The following ARL5B variants were observed in gnomAD, a reference collection of about 807,000 sequenced individuals.
ARL5B encodes the protein ADP-ribosylation factor-like protein 5B.
Under a neutral mutation model 26.9 loss-of-function variants are expected in ARL5B, and 10 were observed. The observed-to-expected ratio is 0.37, with a 90% CI of 0.23 to 0.63. The LOEUF (loss-of-function observed/expected upper bound fraction) is 0.63, where lower values mean the gene tolerates loss of function less well. Among genes scored for constraint, ARL5B ranks in the 30% least tolerant of loss-of-function variants. The pLI, the probability that ARL5B is intolerant of heterozygous loss-of-function variation, is 0.62. For missense variants in ARL5B, 167 were observed against 213.9 expected, an observed-to-expected ratio of 0.78 and a Z score of 1.37; for synonymous variants, 87 against 70.4, an observed-to-expected ratio of 1.24 and a Z score of -1.18.
chr10:18,671,151 G>A (rs7086911), intron 3 of ARL5B, among the ~76,000 whole-genome samples: 81,573 of 151,870 alleles, frequency 0.54, 22,568 homozygotes, highest in East Asian at 0.96. Flanking sequence ...TTTATATTCA[G>A]ATTAGTTGTC....
In ARL5B at chr10:18,675,590, A is replaced by C. The variant is rs997508124; in HGVS notation, c.*374A>C. 13 of 198,344 alleles carry C rather than the reference A, an allele frequency of 6.6e-5. No individual in the cohort carries two copies. The highest frequency in any genetic ancestry group is 1.4e-4 in the Non-Finnish European group (13 of 94,740). The allele number at this position is 198,344 out of a possible 1,614,324, so 12.3% of individuals were successfully genotyped here. On this transcript the variant is annotated 3_prime_UTR_variant, in exon 6 of 6. Coordinates refer to ENST00000377275, the MANE Select transcript of ARL5B (RefSeq NM_178815.5). ...TTGACCAGCACTCCCTCCCAACCAG[A>C]GAATTACTGGTTTGATAGAGTAGTC...
At chr10:18,673,126 G>A (rs909728255) in intron 4 of ARL5B, among the ~76,000 whole-genome samples, 33 of 151,818 alleles carry the variant, frequency 2.2e-4, no homozygotes, top group African/African-American at 7.3e-4. Flanking sequence ...ACCGTGGCGC[G>A]ATCTTGGCTC....
chr10:18,664,049 G>A (rs1379334110), intron 1 of ARL5B, among the ~76,000 whole-genome samples: 2 of 151,900 alleles, frequency 1.3e-5, no homozygotes, highest in Non-Finnish European at 2.9e-5. Flanking sequence ...TGCCTCCCAG[G>A]TTCAAGTGAT....
Position 18,672,754 on chromosome 10 carries a change from T to C in ARL5B, c.339+49T>C, listed in dbSNP as rs142545886. On this transcript the variant is annotated intron_variant, in intron 4 of 5. Transcript: ENST00000377275. ...AAAAAACAGTGTAGTAAAGTATCTGTACGTTGCCTTTGCTTTTTTGCAAAG... is the reference window on the plus strand; with the variant it reads ...AAAAAACAGTGTAGTAAAGTATCTGCACGTTGCCTTTGCTTTTTTGCAAAG... The C allele has an allele frequency of 9.8e-5, 134 of 1,360,814 alleles. 1 individual carries two copies. In the Middle Eastern group the frequency reaches 1.5e-3, roughly 15 times the overall value. 84.3% of individuals were successfully genotyped at this position (1,360,814 alleles called of 1,614,324 possible).
rs41282212 is a variant in ARL5B, at chr10:18,677,213, G to C, written c.*1997G>C. ...TTATGAAATGACTATCTGCCTTCTTGTATCTAGTAAGATTGGCTGGCTCAA... is the reference window on the plus strand; with the variant it reads ...TTATGAAATGACTATCTGCCTTCTTCTATCTAGTAAGATTGGCTGGCTCAA... On this transcript the variant is annotated 3_prime_UTR_variant, in exon 6 of 6. Transcript: ENST00000377275. The C allele has an allele frequency of 7.5e-3, 1,138 of 151,854 alleles. 4 individuals are homozygous for C. Among genetic ancestry groups the C allele is most frequent in the Non-Finnish European group, 0.013 (870 of 67,690 alleles). The allele number at this position is 151,854 out of a possible 1,614,324, so 9.4% of individuals were successfully genotyped here.
chr10:18,661,797 G>A (rs1345808234), intron 1 of ARL5B, among the ~76,000 whole-genome samples: 2 of 152,230 alleles, frequency 1.3e-5, no homozygotes, highest in Non-Finnish European at 2.9e-5. Flanking sequence ...GAAGGGACGT[G>A]TTATTCTAGG....
chr10:18,660,531 G>A lies in ARL5B; in HGVS notation c.46+848G>A, dbSNP rs907227572. Among the ~76,000 whole-genome samples the A allele has an allele frequency of 6.6e-5, 10 of 152,292 alleles. No individual in the cohort carries two copies. In the East Asian group the frequency reaches 1.7e-3, roughly 26 times the overall value. On this transcript the variant is annotated intron_variant, in intron 1 of 5. Coordinates refer to ENST00000377275, the MANE Select transcript of ARL5B (RefSeq NM_178815.5). Reference sequence around the variant, plus strand: ...GTTTCATTTTACATTTAAGAGCCGGGCATCGTTAATAAGCCAGTTTTATTT... The same window carrying A: ...GTTTCATTTTACATTTAAGAGCCGGACATCGTTAATAAGCCAGTTTTATTT...
At chr10:18,663,201 T>A (rs1033208924) in intron 1 of ARL5B, among the ~76,000 whole-genome samples, 1 of 151,832 alleles carries the variant, frequency 6.6e-6, no homozygotes, top group Non-Finnish European at 1.5e-5. Flanking sequence ...TAGAGATGGA[T>A]TTTACCATGT....
chr10:18,675,177 A>T lies in ARL5B; in HGVS notation c.501A>T (p.Gln167His). The T allele has an allele frequency of 6.2e-7, 1 of 1,613,208 alleles. No homozygotes were observed. Among genetic ancestry groups the T allele is most frequent in the Non-Finnish European group, 8.5e-7 (1 of 1,179,322 alleles). Reference protein sequence around the residue: ...CCALTGEGLCQGLEWMTSRIG... With the variant: ...CCALTGEGLCHGLEWMTSRIG... ...TCTATCTTTTGTTTAGGTTATGCCAAGGTCTAGAGTGGATGACCTCCCGGA... is the reference window on the plus strand; with the variant it reads ...TCTATCTTTTGTTTAGGTTATGCCATGGTCTAGAGTGGATGACCTCCCGGA... Residue 167 changes from glutamine to histidine, a missense_variant, in exon 6 of 6, where the codon CAA becomes CAT. Physicochemically the swap from Gln to His is conservative, Grantham distance 24. Transcript: ENST00000377275.
chr10:18,681,475 T>G lies in ARL5B; in HGVS notation c.*6259T>G, dbSNP rs1199011024. ...TGCAATTATGTTATAATGAGTTGTT[T>G]GCATGCCTACTTAACCCAAGTAAAA... On this transcript the variant is annotated 3_prime_UTR_variant, in exon 6 of 6. Transcript: ENST00000377275. The G allele has an allele frequency of 3.3e-5, 5 of 152,226 alleles. No homozygotes were observed. Among genetic ancestry groups the G allele is most frequent in the African/African-American group, 1.2e-4 (5 of 41,450 alleles). 9.4% of individuals were successfully genotyped at this position (152,226 alleles called of 1,614,324 possible).
intron 5 of ARL5B, 144 bp from the exon 6 acceptor site, chr10:18,675,024 T>G: frequency 1.6e-6 from 1 of 615,734 alleles, no homozygotes; most frequent in Non-Finnish European, 2.8e-6. Flanking sequence ...TTTCACTTAT[T>G]ATAGTGTGAC....
chr10:18,659,667 C>T lies in ARL5B; in HGVS notation c.30C>T (p.Ser10=), dbSNP rs1415247098. 1.2e-6 allele frequency: 2 copies of T among 1,613,350 alleles called. No individual in the cohort carries two copies. The highest frequency in any genetic ancestry group is 8.5e-7 in the Non-Finnish European group (1 of 1,179,718). Residue 10 remains serine, a synonymous_variant, in exon 1 of 6, where the codon AGC becomes AGT. Coordinates refer to ENST00000377275, the MANE Select transcript of ARL5B (RefSeq NM_178815.5). MGLIFAKLW[S]LFCNQEHKVI... ...GGCTGATCTTCGCCAAACTGTGGAG[C>T]CTCTTCTGTAACCAAGGTGAGAAGA...
At chr10:18,670,184 T>C (rs1469814865) in intron 3 of ARL5B, among the ~76,000 whole-genome samples, 5 of 152,210 alleles carry the variant, frequency 3.3e-5, no homozygotes. Context: ...TGGCGTATCA[T>C]AGATAATCAG....
In ARL5B at chr10:18,681,214, C is replaced by G. The variant is rs139894908; in HGVS notation, c.*5998C>G. Reference sequence around the variant, plus strand: ...CACAAACTGTGTGTCTGAACCCCAGCCAAACAAATGTGTTCCATTGGTCCA... The same window carrying G: ...CACAAACTGTGTGTCTGAACCCCAGGCAAACAAATGTGTTCCATTGGTCCA... On this transcript the variant is annotated 3_prime_UTR_variant, in exon 6 of 6. Transcript: ENST00000377275. 2.0e-5 allele frequency: 3 copies of G among 152,112 alleles called. No individual in the cohort carries two copies. The highest frequency in any genetic ancestry group is 2.0e-4 in the Admixed American group (3 of 15,278). The allele number at this position is 152,112 out of a possible 1,614,324, so 9.4% of individuals were successfully genotyped here. A position where few individuals can be genotyped will look rare whatever the true frequency, so the allele number is the denominator to read the frequency against.
At position 18,678,272 on chromosome 10, in the gene ARL5B, A is replaced by G. The variant is rs1020778509; in HGVS notation, c.*3056A>G. 2 of 151,946 alleles carry G rather than the reference A, an allele frequency of 1.3e-5. No individual in the cohort carries two copies. The highest frequency in any genetic ancestry group is 1.9e-4 in the East Asian group (1 of 5,174). 9.4% of individuals were successfully genotyped at this position (151,946 alleles called of 1,614,324 possible). ...TCAATACTTTTATTCTATATTCATT[A>G]GAAGAAAGGTAATAAATTTAAGTTT... On this transcript the variant is annotated 3_prime_UTR_variant, in exon 6 of 6. Coordinates refer to ENST00000377275, the MANE Select transcript of ARL5B (RefSeq NM_178815.5).
In ARL5B at chr10:18,677,981, A is replaced by T. The variant is rs2059917410; in HGVS notation, c.*2765A>T. The T allele has an allele frequency of 6.6e-6, 1 of 151,824 alleles. No individual in the cohort carries two copies. The allele number at this position is 151,824 out of a possible 1,614,324, so 9.4% of individuals were successfully genotyped here. A position where few individuals can be genotyped will look rare whatever the true frequency, so the allele number is the denominator to read the frequency against. ...TATGTTATAACCAAAGTGTTCAATTATCCTTGCAAGTTCAAATACAGCATT... is the reference window on the plus strand; with the variant it reads ...TATGTTATAACCAAAGTGTTCAATTTTCCTTGCAAGTTCAAATACAGCATT... On this transcript the variant is annotated 3_prime_UTR_variant, in exon 6 of 6. Coordinates refer to ENST00000377275, the MANE Select transcript of ARL5B (RefSeq NM_178815.5).
At chr10:18,666,482 T>C (rs772429842) in intron 1 of ARL5B, 93 bp from the exon 2 acceptor site, 6 of 1,040,434 alleles carry the variant, frequency 5.8e-6, no homozygotes, top group Non-Finnish European at 6.9e-6. Flanking sequence ...TGAATGATTC[T>C]CATTAATGAG....
At chr10:18,666,296 C>G (rs1224886279) in intron 1 of ARL5B, among the ~76,000 whole-genome samples, 1 of 152,216 alleles carries the variant, frequency 6.6e-6, no homozygotes, top group Non-Finnish European at 1.5e-5. Context: ...CTCCTCTCCC[C>G]TAGATGCAAT....
chr10:18,676,043 A>G lies in ARL5B; in HGVS notation c.*827A>G, dbSNP rs995988674. 5.3e-5 allele frequency: 8 copies of G among 152,246 alleles called. No individual in the cohort carries two copies. Among genetic ancestry groups the G allele is most frequent in the Non-Finnish European group, 1.0e-4 (7 of 67,954 alleles). 9.4% of individuals were successfully genotyped at this position (152,246 alleles called of 1,614,324 possible). On this transcript the variant is annotated 3_prime_UTR_variant, in exon 6 of 6. Transcript: ENST00000377275. ...TTAGTAAATCATACCAGCACTAAAAATAAGACAATTGGAATATATTTTAGC... is the reference window on the plus strand; with the variant it reads ...TTAGTAAATCATACCAGCACTAAAAGTAAGACAATTGGAATATATTTTAGC...
Sources: gnomAD v4.1 joint callset for allele counts (sites outside exome capture counted in the v4.1 genomes callset) on GRCh38, gnomAD v4.1.1 for gene constraint, MANE v1.5 for transcripts, NCBI Gene and HGNC (gene_info 2026-07-23, HGNC 2026-07-21) for gene names.